The following MTRR variants were observed in gnomAD, a reference collection of about 807,000 sequenced individuals.
MTRR encodes 5-methyltetrahydrofolate-homocysteine methyltransferase reductase, also known as methionine synthase reductase.
A neutral mutation model predicts 79.2 loss-of-function variants in MTRR; 63 were observed. The ratio of observed to expected loss-of-function variants is 0.80; its 90% CI spans 0.65 to 0.98. The LOEUF (loss-of-function observed/expected upper bound fraction) is 0.98, where lower values mean the gene tolerates loss of function less well. Among genes scored for constraint, MTRR ranks in the 50% least tolerant of loss-of-function variants. The pLI is 0.00. For synonymous variants in MTRR, 355 were observed against 313.3 expected, an observed-to-expected ratio of 1.13 and a Z score of -1.41; for missense variants, 895 against 839.6, an observed-to-expected ratio of 1.07 and a Z score of -0.82.
At chr5:7,873,235 G>T in intron 2 of MTRR, 138 bp from the exon 3 acceptor site, 2 of 1,019,138 alleles carry the variant, frequency 2.0e-6, no homozygotes, top group Non-Finnish European at 1.5e-6. Flanking sequence ...CCTAGTCACT[G>T]GACTGGTCGT....
chr5:7,885,693 T>G lies in MTRR; in HGVS notation c.904-8T>G. On this transcript the variant is annotated splice_polypyrimidine_tract_variant and splice_region_variant and intron_variant, in intron 6 of 14. Coordinates refer to ENST00000440940, the MANE Select transcript of MTRR (RefSeq NM_002454.3). ...TATTTTTTTTTTTTCATTTTGGCTC[T>G]TCTCTAGAATACAGACTTTTCCTAT... is the stretch of plus-strand genomic sequence containing the variant. 1 of 1,612,856 alleles carries G rather than the reference T, an allele frequency of 6.2e-7. No individual in the cohort carries two copies. Among genetic ancestry groups the G allele is most frequent in the Non-Finnish European group, 8.5e-7 (1 of 1,179,360 alleles).
intron 1 of MTRR, among the ~76,000 whole-genome samples, chr5:7,854,693 C>G (rs1746186166): frequency 6.6e-6 from 1 of 152,192 alleles, no homozygotes; most frequent in African/African-American, 2.4e-5. Context: ...CCCTCCGGGT[C>G]TCTCCCACAA....
chr5:7,868,753 G>C (rs3822445), upstream of MTRR, among the ~76,000 whole-genome samples: 16,498 of 152,188 alleles, frequency 0.11, 1,282 homozygotes, highest in East Asian at 0.22. Context: ...TCTAAAGACG[G>C]TGCGGGGGGA....
Position 7,889,097 on chromosome 5 carries a change from A to T in MTRR, c.1149A>T (p.Ala383=). The part of the protein sequence containing the change: ...CLEIRAIPKK[A]FLRALVDYTS... ...TTAAGGCGGGCTCCTTTTTGTAGGCATTTTTGCGAGCCCTTGTGGACTATA... is the reference window on the plus strand; with the variant it reads ...TTAAGGCGGGCTCCTTTTTGTAGGCTTTTTTGCGAGCCCTTGTGGACTATA... The change falls in exon 9 of 15, where the codon GCA becomes GCT. Residue 383 remains alanine, a splice_region_variant and synonymous_variant. Coordinates refer to ENST00000440940, the MANE Select transcript of MTRR (RefSeq NM_002454.3). 1 of 1,614,064 alleles carries T rather than the reference A, an allele frequency of 6.2e-7. No individual in the cohort carries two copies. Among genetic ancestry groups the T allele is most frequent in the Non-Finnish European group, 8.5e-7 (1 of 1,180,040 alleles).
In MTRR at chr5:7,891,371, G is replaced by C; in HGVS notation, c.1328-1G>C. On this transcript the variant is annotated splice_acceptor_variant, in intron 9 of 14. Coordinates refer to ENST00000440940, the MANE Select transcript of MTRR (RefSeq NM_002454.3). LOFTEE classifies it high-confidence loss of function. ...AATTGCTTGTTTTTATTTTTTTCTA[G>C]AACATCTTCCTAAACTTCAACCCAG... 1 of 1,528,588 alleles carries C rather than the reference G, an allele frequency of 6.5e-7. No homozygotes were observed. Among genetic ancestry groups the C allele is most frequent in the Non-Finnish European group, 8.9e-7 (1 of 1,129,488 alleles). 94.7% of individuals were successfully genotyped at this position (1,528,588 alleles called of 1,614,324 possible). A position where few individuals can be genotyped will look rare whatever the true frequency, so the allele number is the denominator to read the frequency against.
intron 2 of MTRR, among the ~76,000 whole-genome samples, chr5:7,872,846 C>A: frequency 6.6e-6 from 1 of 151,958 alleles, no homozygotes; most frequent in East Asian, 1.9e-4. Context: ...CTTTTTTTTA[C>A]TTTCTTATGA....
At chr5:7,886,823 T>C in intron 8 of MTRR, 120 bp downstream of exon 8, 5 of 777,902 alleles carry the variant, frequency 6.4e-6, no homozygotes, top group South Asian at 2.9e-5. Context: ...CTTGATAGCA[T>C]GTTTTTAATA....
chr5:7,892,304 T>G (rs536374961), intron 10 of MTRR, among the ~76,000 whole-genome samples: 1 of 152,222 alleles, frequency 6.6e-6, no homozygotes, highest in South Asian at 2.1e-4. Flanking sequence ...CTTTGAATTT[T>G]TAGTTTTCTC....
chr5:7,883,581 G>A (rs574038115), intron 6 of MTRR, among the ~76,000 whole-genome samples: 1 of 150,370 alleles, frequency 6.7e-6, no homozygotes, highest in African/African-American at 2.4e-5. Flanking sequence ...GTGGTGCTTG[G>A]TTATGTATGC....
rs1210965189 is a variant in MTRR, at chr5:7,897,231, C to A, written c.1936C>A (p.His646Asn). The stretch of plus-strand genomic sequence containing the variant: ...GAGAATCCTCCTCCAGGAGAACGGC[C>A]ATATTTATGTGTGTGGGTGAGTCAT... ...VARILLQENG[H>N]IYVCGDAKNM... The change falls in exon 14 of 15, where the codon CAT becomes AAT. Residue 646 changes from histidine (H) to asparagine (N), a missense_variant. Transcript: ENST00000440940. The A allele has an allele frequency of 1.1e-5, 18 of 1,613,520 alleles. No individual in the cohort carries two copies. The highest frequency in any genetic ancestry group is 1.5e-5 in the Non-Finnish European group (18 of 1,179,702).
rs1462446372 is a variant in MTRR at position 7,891,390 on chromosome 5, A to C, written c.1346A>C (p.Gln449Pro). 17 of 1,609,696 alleles carry C rather than the reference A, an allele frequency of 1.1e-5. No homozygotes were observed. Among genetic ancestry groups the C allele is most frequent in the Non-Finnish European group, 1.4e-5 (17 of 1,177,544 alleles). ...SLLLEHLPKL[Q>P]PRPYSCASSS... ...TTTCTAGAACATCTTCCTAAACTTCAACCCAGACCATATTCGTGTGCAAGG... is the reference window on the plus strand; with the variant it reads ...TTTCTAGAACATCTTCCTAAACTTCCACCCAGACCATATTCGTGTGCAAGG... Residue 449 changes from glutamine to proline, a missense_variant, in exon 10 of 15, where the codon CAA becomes CCA. Gln to Pro is a moderately conservative substitution (Grantham distance 76). Transcript: ENST00000440940.
chr5:7,890,457 TA>T, intron 9 of MTRR: 1 of 960,280 alleles, frequency 1.0e-6, no homozygotes, highest in Non-Finnish European at 1.2e-6. Context: ...TATCGCATAC[TA>T]ATTTATTTCA....
chr5:7,889,256 A>G lies in MTRR; in HGVS notation c.1308A>G (p.Pro436=). The stretch of plus-strand genomic sequence containing the variant: ...TCCTCGCTTTCCCTTCTTGCCAGCC[A>G]CCACTCAGTCTCCTGCTCGGTGAGT... ...DLLLAFPSCQ[P]PLSLLLEHLP... Residue 436 remains proline (P), a synonymous_variant, in exon 9 of 15, where the codon CCA becomes CCG. Coordinates refer to ENST00000440940, the MANE Select transcript of MTRR (RefSeq NM_002454.3). 6.2e-7 allele frequency: 1 copy of G among 1,612,798 alleles called. No individual in the cohort carries two copies. The highest frequency in any genetic ancestry group is 8.5e-7 in the Non-Finnish European group (1 of 1,180,012).
chr5:7,867,260 G>A (rs776274908), upstream of MTRR: 1 of 1,613,862 alleles, frequency 6.2e-7, no homozygotes, highest in Non-Finnish European at 8.5e-7. Flanking sequence ...ATTTAAAAAT[G>A]TTTGGTGTTC....
chr5:7,895,151 C>CA (rs1332665942), intron 11 of MTRR, among the ~76,000 whole-genome samples: 1 of 152,160 alleles, frequency 6.6e-6, no homozygotes, highest in Non-Finnish European at 1.5e-5. Flanking sequence ...GAAACATACT[C>CA]AGATTGATTC....
At chr5:7,862,998 C>T (rs748028343) in intron 2 of MTRR, 1 of 1,610,244 alleles carries the variant, frequency 6.2e-7, no homozygotes. Flanking sequence ...GTTTTGGACC[C>T]TAAAAAATCA....
intron 6 of MTRR, among the ~76,000 whole-genome samples, chr5:7,884,149 G>A (rs925699878): frequency 1.3e-5 from 2 of 152,156 alleles, no homozygotes; most frequent in Non-Finnish European, 2.9e-5. Context: ...GGGTGACAGA[G>A]TGAGACCCTG....
upstream of MTRR, chr5:7,867,305 T>C: frequency 6.2e-7 from 1 of 1,613,836 alleles, no homozygotes; most frequent in Non-Finnish European, 8.5e-7. Flanking sequence ...CAAGATTCTA[T>C]AAAGGGCCAC....
At chr5:7,877,150 C>G (rs942871617) in intron 4 of MTRR, among the ~76,000 whole-genome samples, 1 of 152,150 alleles carries the variant, frequency 6.6e-6, no homozygotes, top group Non-Finnish European at 1.5e-5. Context: ...AATTGATCCT[C>G]CTTTGAGCTG....
Sources: gnomAD v4.1 joint callset for allele counts (sites outside exome capture counted in the v4.1 genomes callset) on GRCh38, gnomAD v4.1.1 for gene constraint, MANE v1.5 for transcripts, NCBI Gene and HGNC (gene_info 2026-07-23, HGNC 2026-07-21) for gene names.